Variants in FAT1 observed in about 807,000 individuals in gnomAD.
FAT1 encodes FAT atypical cadherin 1, also known as protocadherin Fat 1.
In FAT1, 171 loss-of-function variants were observed where a neutral mutation model predicts 329.8. That is an observed-to-expected ratio of 0.52 (90% CI 0.46 to 0.59). The LOEUF (loss-of-function observed/expected upper bound fraction) is 0.59. Among genes scored for constraint, FAT1 ranks in the 20% least tolerant of loss-of-function variants. The pLI, the probability that FAT1 is intolerant of heterozygous loss-of-function variation, is 0.00. For synonymous variants in FAT1, 2,233 were observed against 2,228.6 expected (o/e 1.00, Z -0.06); for missense variants, 5,672 against 5,774.4 (o/e 0.98, Z 0.57).
At chr4:186,716,023 T>C (rs1745189323) in intron 1 of FAT1, among the ~76,000 whole-genome samples, 1 of 152,154 alleles carries the variant, frequency 6.6e-6, no homozygotes, top group African/African-American at 2.4e-5. Context: ...AAAACCTAAC[T>C]GCATATATTC....
At chr4:186,651,947 G>GGAGC (rs1475563944) in intron 3 of FAT1, among the ~76,000 whole-genome samples, 1 of 152,176 alleles carries the variant, frequency 6.6e-6, no homozygotes, top group African/African-American at 2.4e-5. Context: ...GATTAGGCGT[G>GGAGC]GAGCCAAAAA....
rs199836705 is a variant in FAT1 at position 186,707,190 on chromosome 4, C to A, written c.2638G>T (p.Ala880Ser). The change falls in exon 2 of 27, where the codon GCA becomes TCA. Residue 880 changes from alanine to serine, a missense_variant. By Grantham distance (99) the Ala-to-Ser change is moderately conservative. Around this residue, in one of 2 missense-constraint regions of FAT1, gnomAD observed 3,966 missense variants for 3,915.2 expected, o/e 1.01. Coordinates refer to ENST00000441802, the MANE Select transcript of FAT1 (RefSeq NM_005245.4). ...TGCAGCTCTCGATCCAGAGGGCGTG[C>A]GATGTTAACAACACCCGTCACGCTG... ...IDSVTGVVNI[A>S]RPLDRELQHE... 1.2e-6 allele frequency: 2 copies of A among 1,613,834 alleles called. No homozygotes were observed. Among genetic ancestry groups the A allele is most frequent in the Non-Finnish European group, 1.7e-6 (2 of 1,179,856 alleles).
At chr4:186,669,490 T>G (rs899064744) in intron 2 of FAT1, among the ~76,000 whole-genome samples, 1 of 152,252 alleles carries the variant, frequency 6.6e-6, no homozygotes, top group African/African-American at 2.4e-5. Flanking sequence ...ACGGAAGGAA[T>G]GAAAGCCTAG....
chr4:186,607,874 A>G (rs1739223945), intron 16 of FAT1, among the ~76,000 whole-genome samples: 1 of 152,128 alleles, frequency 6.6e-6, no homozygotes, highest in Non-Finnish European at 1.5e-5. Flanking sequence ...TCAATCCCTC[A>G]TGTCACTTCT....
intron 26 of FAT1, among the ~76,000 whole-genome samples, chr4:186,590,150 G>T (rs894312956): frequency 1.3e-5 from 2 of 148,566 alleles, no homozygotes; most frequent in Non-Finnish European, 3.0e-5. Context: ...TTTTGGAATA[G>T]TTTTTTTTTT....
intron 2 of FAT1, among the ~76,000 whole-genome samples, chr4:186,691,867 T>C (rs1015166526): frequency 1.3e-5 from 2 of 152,118 alleles, no homozygotes; most frequent in Admixed American, 1.3e-4. Flanking sequence ...TGACATTTAA[T>C]GATCACTGAA....
intron 2 of FAT1, among the ~76,000 whole-genome samples, chr4:186,692,772 G>A (rs1248668851): frequency 1.3e-5 from 2 of 151,948 alleles, no homozygotes; most frequent in Non-Finnish European, 2.9e-5. Context: ...CATTCTCTAC[G>A]GGACAGCAAT....
At position 186,617,000 on chromosome 4, in the gene FAT1, C is replaced by T. The variant is rs775135607; in HGVS notation, c.9075+5G>A. On this transcript the variant is annotated splice_donor_5th_base_variant and intron_variant, in intron 11 of 26. Transcript: ENST00000441802. ...ACACACAAATGTAAGGGAAGAGCTG[C>T]TTACCTTTTCACAAACTGGACTGTT... 1.1e-5 allele frequency: 18 copies of T among 1,609,394 alleles called. No homozygotes were observed. Among genetic ancestry groups the T allele is most frequent in the South Asian group, 1.0e-4 (9 of 90,030 alleles).
At chr4:186,692,512 C>T (rs1017727321) in intron 2 of FAT1, among the ~76,000 whole-genome samples, 5 of 152,088 alleles carry the variant, frequency 3.3e-5, no homozygotes, top group African/African-American at 1.2e-4. Flanking sequence ...CGGGGTTTCA[C>T]CGTGTTAGCC....
chr4:186,592,790 C>A (rs763222188), intron 26 of FAT1: 19 of 456,188 alleles, frequency 4.2e-5, no homozygotes, highest in Non-Finnish European at 6.2e-5. Context: ...TTAGGAACAT[C>A]TTCAGTTAGT....
At chr4:186,667,913 G>A (rs1341710737) in intron 2 of FAT1, among the ~76,000 whole-genome samples, 1 of 152,160 alleles carries the variant, frequency 6.6e-6, no homozygotes, top group Non-Finnish European at 1.5e-5. Context: ...TGAGCGGTGG[G>A]CTGTTGCCAC....
chr4:186,612,004 T>C (rs1440304152), intron 13 of FAT1, among the ~76,000 whole-genome samples: 2 of 151,496 alleles, frequency 1.3e-5, no homozygotes, highest in Non-Finnish European at 2.9e-5. Flanking sequence ...AGAGACGGGG[T>C]TTCTCCATGT....
At chr4:186,631,779 C>T (rs55816220) in intron 7 of FAT1, among the ~76,000 whole-genome samples, 35,173 of 151,604 alleles carry the variant, frequency 0.23, 4,492 homozygotes, top group Non-Finnish European at 0.29. Flanking sequence ...AGTGTCTCGC[C>T]GCCCAGCTGA....
At position 186,628,238 on chromosome 4, in the gene FAT1, C is replaced by A. The variant is rs540574567; in HGVS notation, c.4726G>T (p.Ala1576Ser). 1.6e-5 allele frequency: 26 copies of A among 1,613,962 alleles called. 1 individual carries two copies. The South Asian group carries it at 2.6e-4, about 16-fold the overall frequency. ...ACCTGCAACACAACTGAGCCAACGGCTGCCGATTCATAAACCCGCCCTTTG... is the reference window on the plus strand; with the variant it reads ...ACCTGCAACACAACTGAGCCAACGGATGCCGATTCATAAACCCGCCCTTTG... The part of the protein sequence containing the change: ...SYKGRVYESA[A>S]VGSVVLQVTA... Residue 1576 changes from alanine (A) to serine (S), a missense_variant, in exon 9 of 27, where the codon GCC becomes TCC. Coordinates refer to ENST00000441802, the MANE Select transcript of FAT1 (RefSeq NM_005245.4).
Position 186,701,703 on chromosome 4 carries a change from G to A in FAT1, c.3265+4860C>T, listed in dbSNP as rs1245943996. ...CCTCCACATTCCTTCTCCTGTCACA[G>A]GAGGACGTGCAGCAGGAGCAGGGAT... On this transcript the variant is annotated intron_variant, in intron 2 of 26. Coordinates refer to ENST00000441802, the MANE Select transcript of FAT1 (RefSeq NM_005245.4). Among the ~76,000 whole-genome samples, 3 of 152,224 alleles carry A rather than the reference G, an allele frequency of 2.0e-5. No individual in the cohort carries two copies. In the East Asian group the frequency reaches 5.8e-4, roughly 29 times the overall value.
chr4:186,708,358 A>C lies in FAT1; in HGVS notation c.1470T>G (p.Pro490=), dbSNP rs1744754976. 6.2e-7 allele frequency: 1 copy of C among 1,613,882 alleles called. No homozygotes were observed. ...TTVMSLSAVD[P]DEGENGYVTY... ...TCACGTACCCGTTCTCACCCTCATC[A>C]GGGTCTACGGCACTCAGGCTCATGA... Residue 490 remains proline (P), a synonymous_variant, in exon 2 of 27, where the codon CCT becomes CCG. Coordinates refer to ENST00000441802, the MANE Select transcript of FAT1 (RefSeq NM_005245.4).
chr4:186,589,740 C>G (rs1164545827), intron 26 of FAT1, among the ~76,000 whole-genome samples: 1 of 152,116 alleles, frequency 6.6e-6, no homozygotes, highest in Non-Finnish European at 1.5e-5. Context: ...CTATGTTGCC[C>G]AGGCTGGTCT....
chr4:186,704,756 G>A (rs2126679064), intron 2 of FAT1, among the ~76,000 whole-genome samples: 1 of 152,258 alleles, frequency 6.6e-6, no homozygotes, highest in Admixed American at 6.5e-5. Context: ...CTACTCTTCA[G>A]AGGATTATCA....
chr4:186,621,488 C>T lies in FAT1; in HGVS notation c.5098G>A (p.Glu1700Lys), dbSNP rs2126525726. 1 of 1,614,000 alleles carries T rather than the reference C, an allele frequency of 6.2e-7. No homozygotes were observed. The highest frequency in any genetic ancestry group is 8.5e-7 in the Non-Finnish European group (1 of 1,179,884). ...TAHSQSSVVY[E>K]IKDGNTGDAF... is the part of the protein sequence containing the mutation. ...TCACCTGTATTTCCATCTTTTATTT[C>T]ATACACCACTGATGATTGACTATGG... Residue 1700 changes from glutamate (E) to lysine (K), a missense_variant, in exon 10 of 27, where the codon GAA becomes AAA. Physicochemically the swap from Glu to Lys is moderately conservative, Grantham distance 56. Transcript: ENST00000441802.
Sources: gnomAD v4.1 joint callset for allele counts (sites outside exome capture counted in the v4.1 genomes callset) on GRCh38, gnomAD v4.1.1 for gene constraint, gnomAD v4.1.1 regional missense constraint, MANE v1.5 for transcripts, NCBI Gene and HGNC (gene_info 2026-07-23, HGNC 2026-07-21) for gene names.